Variants in PDGFC observed in about 807,000 individuals in gnomAD.
The protein encoded by PDGFC is platelet-derived growth factor C.
PDGFC carries 12 observed loss-of-function variants against 35.5 expected under a neutral mutation model. The observed-to-expected ratio is 0.34, with a 90% CI of 0.22 to 0.55. The LOEUF is 0.55. Among genes scored for constraint, PDGFC ranks in the 20% least tolerant of loss-of-function variants. The pLI is 0.91. For missense variants in PDGFC, 322 were observed against 412.4 expected, an observed-to-expected ratio of 0.78 and a Z score of 1.90; for synonymous variants, 159 against 148.8, an observed-to-expected ratio of 1.07 and a Z score of -0.50.
At chr4:156,787,292 A>G (rs1276145994) in intron 3 of PDGFC, among the ~76,000 whole-genome samples, 1 of 152,136 alleles carries the variant, frequency 6.6e-6, no homozygotes, top group African/African-American at 2.4e-5. Flanking sequence ...TACCAGTGTC[A>G]AAGTGTTCAG....
chr4:156,823,659 A>G (rs192018206), intron 2 of PDGFC, among the ~76,000 whole-genome samples: 13 of 152,326 alleles, frequency 8.5e-5, no homozygotes, highest in Non-Finnish European at 1.3e-4. Context: ...TAGTACAGCC[A>G]TTGTGCAAAA....
At chr4:156,925,287 T>C (rs1414311072) in intron 1 of PDGFC, among the ~76,000 whole-genome samples, 2 of 152,110 alleles carry the variant, frequency 1.3e-5, no homozygotes, top group Non-Finnish European at 2.9e-5. Flanking sequence ...CTTATGTGCA[T>C]TTTTTTAAAG....
Position 156,971,247 on chromosome 4 carries a change from C to T in PDGFC, c.-344G>A. On this transcript the variant is annotated 5_prime_UTR_variant, in exon 1 of 6. Coordinates refer to ENST00000502773, the MANE Select transcript of PDGFC (RefSeq NM_016205.3). ...GACGCGGGGGAGCGGCGAGAAGTCCCCAGCAAGTTGCTGGGAGCACCTGTC... is the reference window on the plus strand; with the variant it reads ...GACGCGGGGGAGCGGCGAGAAGTCCTCAGCAAGTTGCTGGGAGCACCTGTC... 1 of 433,712 alleles carries T rather than the reference C, an allele frequency of 2.3e-6. No individual in the cohort carries two copies. Among genetic ancestry groups the T allele is most frequent in the Non-Finnish European group, 4.1e-6 (1 of 245,484 alleles). The allele number at this position is 433,712 out of a possible 1,614,324, so 26.9% of individuals were successfully genotyped here.
At chr4:156,943,344 A>C (rs1021220255) in intron 1 of PDGFC, among the ~76,000 whole-genome samples, 11 of 152,084 alleles carry the variant, frequency 7.2e-5, no homozygotes, top group African/African-American at 2.2e-4. Flanking sequence ...TTCTTCATAA[A>C]TCTATTTTCA....
At chr4:156,831,330 G>C (rs1389597932) in intron 2 of PDGFC, among the ~76,000 whole-genome samples, 1 of 151,996 alleles carries the variant, frequency 6.6e-6, no homozygotes, top group Non-Finnish European at 1.5e-5. Flanking sequence ...AAATTTAGCT[G>C]GGTGCAGTGG....
intron 1 of PDGFC, among the ~76,000 whole-genome samples, chr4:156,915,818 G>A (rs1579097269): frequency 6.6e-6 from 1 of 151,982 alleles, no homozygotes; most frequent in East Asian, 1.9e-4. Flanking sequence ...AGTTTCATAA[G>A]AAAAGCTACC....
intron 1 of PDGFC, among the ~76,000 whole-genome samples, chr4:156,867,948 G>T (rs1273523693): frequency 2.0e-5 from 3 of 152,026 alleles, no homozygotes; most frequent in Admixed American, 1.3e-4. Context: ...CCCAATGTTG[G>T]CTCACTGCAA....
intron 3 of PDGFC, among the ~76,000 whole-genome samples, chr4:156,802,248 G>T (rs1196786487): frequency 6.6e-6 from 1 of 151,972 alleles, no homozygotes; most frequent in Non-Finnish European, 1.5e-5. Context: ...ATACTTTTTG[G>T]CTTACACCCT....
chr4:156,808,898 G>A (rs1408105332), intron 3 of PDGFC, among the ~76,000 whole-genome samples: 2 of 151,890 alleles, frequency 1.3e-5, no homozygotes, highest in East Asian at 3.9e-4. Flanking sequence ...TTTAAACACA[G>A]AAAAAACAAA....
intron 1 of PDGFC, among the ~76,000 whole-genome samples, chr4:156,899,038 C>T (rs1292681235): frequency 6.6e-6 from 1 of 152,212 alleles, no homozygotes; most frequent in African/African-American, 2.4e-5. Context: ...TTGGCATTTA[C>T]ACATGTTCAG....
intron 1 of PDGFC, among the ~76,000 whole-genome samples, chr4:156,855,346 C>A (rs921638563): frequency 1.3e-5 from 2 of 152,104 alleles, no homozygotes; most frequent in African/African-American, 4.8e-5. Flanking sequence ...ATATGCAACT[C>A]CTAAAAATCA....
intron 1 of PDGFC, among the ~76,000 whole-genome samples, chr4:156,904,696 C>T (rs1356704754): frequency 1.3e-5 from 2 of 152,098 alleles, no homozygotes; most frequent in Non-Finnish European, 2.9e-5. Flanking sequence ...AAATGTACCT[C>T]CTCAGCAAAT....
intron 1 of PDGFC, among the ~76,000 whole-genome samples, chr4:156,944,354 T>TA (rs945063807): frequency 5.3e-4 from 81 of 152,120 alleles, no homozygotes; most frequent in African/African-American, 1.9e-3. Flanking sequence ...CCTCTGTAAA[T>TA]AAAAAAAGGG....
intron 1 of PDGFC, among the ~76,000 whole-genome samples, chr4:156,881,466 A>G (rs974396351): frequency 3.3e-5 from 5 of 152,002 alleles, no homozygotes; most frequent in African/African-American, 1.2e-4. Context: ...CATAATTCCC[A>G]CGTGTTGTGG....
chr4:156,872,810 A>G (rs985369027), intron 1 of PDGFC, among the ~76,000 whole-genome samples: 1 of 152,188 alleles, frequency 6.6e-6, no homozygotes, highest in Non-Finnish European at 1.5e-5. Flanking sequence ...ATTTGTATCC[A>G]TAGTCTCTTG....
At chr4:156,957,198 C>T (rs1271962709) in intron 1 of PDGFC, among the ~76,000 whole-genome samples, 1 of 151,962 alleles carries the variant, frequency 6.6e-6, no homozygotes, top group Non-Finnish European at 1.5e-5. Context: ...TTATCTCTTG[C>T]TACACATTTA....
intron 1 of PDGFC, among the ~76,000 whole-genome samples, chr4:156,906,640 C>CTTTTAA (rs1730922110): frequency 6.6e-6 from 1 of 151,986 alleles, no homozygotes; most frequent in East Asian, 1.9e-4. Context: ...TGAGCACGGA[C>CTTTTAA]AAAGGTTTAT....
At chr4:156,909,634 T>C (rs1481278705) in intron 1 of PDGFC, among the ~76,000 whole-genome samples, 1 of 152,170 alleles carries the variant, frequency 6.6e-6, no homozygotes, top group Non-Finnish European at 1.5e-5. Flanking sequence ...TTTCCACAAA[T>C]ATCCACATAC....
At chr4:156,955,103 C>A (rs1732175881) in intron 1 of PDGFC, among the ~76,000 whole-genome samples, 1 of 151,940 alleles carries the variant, frequency 6.6e-6, no homozygotes, top group African/African-American at 2.4e-5. Flanking sequence ...AGAGGGAAGG[C>A]TTTATGGGGC....
Sources: allele counts gnomAD v4.1 joint callset (sites outside exome capture counted in the v4.1 genomes callset), GRCh38; gene constraint gnomAD v4.1.1; transcripts MANE v1.5; gene names NCBI Gene and HGNC (gene_info 2026-07-23, HGNC 2026-07-21).